ZC3H7B: variants seen among roughly 807,000 people sequenced by gnomAD.
ZC3H7B encodes the protein zinc finger CCCH-type containing 7B.
A neutral mutation model predicts 116.0 loss-of-function variants in ZC3H7B; 35 were observed. The observed-to-expected ratio is 0.30, with a 90% CI of 0.23 to 0.40. The LOEUF is 0.40. ZC3H7B is among the 10% of genes least tolerant of loss of function. ZC3H7B has a pLI of 1.00. For synonymous variants in ZC3H7B, 502 were observed against 545.6 expected (o/e 0.92, Z 1.11); for missense variants, 1,011 against 1,321.5 (o/e 0.77, Z 3.64).
chr22:41,320,847 G>C (rs984784671), intron 2 of ZC3H7B, 134 bp downstream of exon 2: 23 of 1,238,086 alleles, frequency 1.9e-5, no homozygotes, highest in Middle Eastern at 2.4e-4. Flanking sequence ...GCTGGGGTGC[G>C]GGCAGGTGGG....
chr22:41,318,959 C>T (rs547811924), intron 1 of ZC3H7B, among the ~76,000 whole-genome samples: 5 of 152,210 alleles, frequency 3.3e-5, no homozygotes, highest in East Asian at 1.9e-4. Context: ...ACATCATACA[C>T]GTAGATCTCC....
rs1343835497 is a variant in ZC3H7B at position 41,355,555 on chromosome 22, G to A, written c.2121G>A (p.Val707=). ...AGTGCTGGAGAAACGGGCAGGTGGT[G>A]GAGCCTGACAAGGACCTCAAGTACT... The part of the protein sequence containing the change: ...CGQCWRNGQV[V]EPDKDLKYCS... Residue 707 remains valine, a synonymous_variant, in exon 18 of 23, where the codon GTG becomes GTA. Transcript: ENST00000352645. 4.3e-6 allele frequency: 7 copies of A among 1,614,060 alleles called. No individual in the cohort carries two copies. Among genetic ancestry groups the A allele is most frequent in the African/African-American group, 1.3e-5 (1 of 74,926 alleles).
At position 41,341,081 on chromosome 22, in the gene ZC3H7B, T is replaced by C; in HGVS notation, c.1139-7T>C. On this transcript the variant is annotated splice_polypyrimidine_tract_variant and splice_region_variant and intron_variant, in intron 10 of 22. Transcript: ENST00000352645. ...GCCACTGACCCCTGTGTCTTCTCCC[T>C]GCCCAGAGGAGACCAACTCACAGGA... 1 of 1,610,766 alleles carries C rather than the reference T, an allele frequency of 6.2e-7. No homozygotes were observed. The highest frequency in any genetic ancestry group is 1.3e-5 in the African/African-American group (1 of 74,920).
chr22:41,316,728 G>A (rs113600457), intron 1 of ZC3H7B, among the ~76,000 whole-genome samples: 1 of 150,964 alleles, frequency 6.6e-6, no homozygotes. Flanking sequence ...AGGCTGTAGT[G>A]CAACGGCGCA....
Position 41,355,882 on chromosome 22 carries a change from G to A in ZC3H7B, c.2274+20G>A, listed in dbSNP as rs2036707951. ...TACGATGTGAGCGCTGGGATGGGGGGCTGGGGGTCCCCCAGGAGGCAGCGA... is the reference window on the plus strand; with the variant it reads ...TACGATGTGAGCGCTGGGATGGGGGACTGGGGGTCCCCCAGGAGGCAGCGA... On this transcript the variant is annotated intron_variant, in intron 19 of 22. Coordinates refer to ENST00000352645, the MANE Select transcript of ZC3H7B (RefSeq NM_017590.6). The A allele has an allele frequency of 6.2e-7, 1 of 1,612,538 alleles. No homozygotes were observed. The highest frequency in any genetic ancestry group is 8.5e-7 in the Non-Finnish European group (1 of 1,179,174).
At position 41,351,757 on chromosome 22, in the gene ZC3H7B, C is replaced by T. The variant is rs141383459; in HGVS notation, c.2034+111C>T. 3.5e-4 allele frequency: 342 copies of T among 990,864 alleles called. 3 individuals carry two copies. In the African/African-American group the frequency reaches 5.0e-3, roughly 14 times the overall value. 61.4% of individuals were successfully genotyped at this position (990,864 alleles called of 1,614,324 possible). A position where few individuals can be genotyped will look rare whatever the true frequency, so the allele number is the denominator to read the frequency against. ...AGAAATGTTTACAATGGAGGCACCTCGAATAAGTTATGAAAGTAACTTGGA... is the reference window on the plus strand; with the variant it reads ...AGAAATGTTTACAATGGAGGCACCTTGAATAAGTTATGAAAGTAACTTGGA... On this transcript the variant is annotated intron_variant, in intron 17 of 22. Transcript: ENST00000352645. The surrounding 1 kb of genome is among the most constrained non-coding windows in gnomAD (Gnocchi z 5.1).
At chr22:41,342,820 C>T (rs1205326833) in intron 12 of ZC3H7B, among the ~76,000 whole-genome samples, 192 bp downstream of exon 12, 1 of 152,174 alleles carries the variant, frequency 6.6e-6, no homozygotes, top group Admixed American at 6.5e-5. Flanking sequence ...CCTTCACAGT[C>T]CTTTCTAGAG....
At position 41,302,931 on chromosome 22, in the gene ZC3H7B, C is replaced by T. The variant is rs996397197; in HGVS notation, c.-7+1159C>T. ...TAGCTTTGGCATCAGACTTTGAACCCCAACTTCTTGCCATATTCCTCAGCA... is the reference window on the plus strand; with the variant it reads ...TAGCTTTGGCATCAGACTTTGAACCTCAACTTCTTGCCATATTCCTCAGCA... On this transcript the variant is annotated intron_variant, in intron 1 of 22. Transcript: ENST00000352645. This position sits in a 1 kb window ranked among gnomAD's most constrained non-coding sequence, Gnocchi z 5.7. Among the ~76,000 whole-genome samples, 1 of 152,164 alleles carries T rather than the reference C, an allele frequency of 6.6e-6. No homozygotes were observed. Among genetic ancestry groups the T allele is most frequent in the Non-Finnish European group, 1.5e-5 (1 of 68,020 alleles).
Position 41,357,029 on chromosome 22 carries a change from G to A in ZC3H7B, c.2682-148G>A. On this transcript the variant is annotated intron_variant, in intron 22 of 22. Transcript: ENST00000352645. This position sits in a 1 kb window ranked among gnomAD's most constrained non-coding sequence, Gnocchi z 5.4. ...CAGCTGTGGGGCAGATCCCAGAGAG[G>A]GTCAGGACACCCAGGTTTTCCCTGA... is the stretch of plus-strand genomic sequence containing the variant. 1 of 1,384,610 alleles carries A rather than the reference G, an allele frequency of 7.2e-7. No homozygotes were observed. Among genetic ancestry groups the A allele is most frequent in the South Asian group, 1.4e-5 (1 of 72,276 alleles). 85.8% of individuals were successfully genotyped at this position (1,384,610 alleles called of 1,614,324 possible).
At chr22:41,309,936 T>G (rs1234198609) in intron 1 of ZC3H7B, among the ~76,000 whole-genome samples, 1 of 152,032 alleles carries the variant, frequency 6.6e-6, no homozygotes, top group Admixed American at 6.6e-5. Context: ...CTGAGCACGG[T>G]GGCTCATGCC....
intron 1 of ZC3H7B, among the ~76,000 whole-genome samples, chr22:41,313,930 A>G (rs1265178165): frequency 6.9e-6 from 1 of 145,496 alleles, no homozygotes; most frequent in Non-Finnish European, 1.5e-5. Context: ...TTTTTTTCGT[A>G]TTTTTGTAGG....
chr22:41,328,485 C>T (rs2036343846), intron 5 of ZC3H7B, among the ~76,000 whole-genome samples: 1 of 152,212 alleles, frequency 6.6e-6, no homozygotes, highest in Non-Finnish European at 1.5e-5. Flanking sequence ...AGGAGGTAGA[C>T]ACGTGCACAG....
At chr22:41,322,085 C>T (rs1159089780) in intron 2 of ZC3H7B, among the ~76,000 whole-genome samples, 6 of 150,506 alleles carry the variant, frequency 4.0e-5, no homozygotes, top group African/African-American at 7.3e-5. Context: ...GTGATCCGCC[C>T]GCCTCGGCCT....
At chr22:41,324,345 C>G (rs539169321) in intron 2 of ZC3H7B, among the ~76,000 whole-genome samples, 2 of 152,322 alleles carry the variant, frequency 1.3e-5, no homozygotes, top group East Asian at 3.9e-4. Context: ...GGCGTTGCGC[C>G]TCTGCCCACC....
chr22:41,337,077 G>C (rs994671077), intron 7 of ZC3H7B, among the ~76,000 whole-genome samples: 1 of 149,386 alleles, frequency 6.7e-6, no homozygotes, highest in South Asian at 2.1e-4. Flanking sequence ...CAGAGGTTTC[G>C]GTAAGCCAAG....
At chr22:41,312,558 C>T (rs979726689) in intron 1 of ZC3H7B, among the ~76,000 whole-genome samples, 1 of 151,326 alleles carries the variant, frequency 6.6e-6, no homozygotes, top group Non-Finnish European at 1.5e-5. Context: ...CCACTGCACT[C>T]CAGCCTGGGT....
chr22:41,356,946 G>T (rs910283185), intron 22 of ZC3H7B, 138 bp downstream of exon 22: 3 of 1,385,524 alleles, frequency 2.2e-6, no homozygotes, highest in East Asian at 2.4e-5. Flanking sequence ...AGCCATGGGG[G>T]TGGTGGGGAA....
Position 41,357,022 on chromosome 22 carries a change from C to T in ZC3H7B, c.2682-155C>T, listed in dbSNP as rs1601800168. 1.3e-5 allele frequency among the ~76,000 whole-genome samples: 2 copies of T among 152,106 alleles called. No individual in the cohort carries two copies. The highest frequency in any genetic ancestry group is 3.9e-4 in the East Asian group (2 of 5,188). On this transcript the variant is annotated intron_variant, in intron 22 of 22. Transcript: ENST00000352645. This position sits in a 1 kb window ranked among gnomAD's most constrained non-coding sequence, Gnocchi z 5.4. Reference sequence around the variant, plus strand: ...TAATTTGCAGCTGTGGGGCAGATCCCAGAGAGGGTCAGGACACCCAGGTTT... The same window carrying T: ...TAATTTGCAGCTGTGGGGCAGATCCTAGAGAGGGTCAGGACACCCAGGTTT...
intron 1 of ZC3H7B, among the ~76,000 whole-genome samples, chr22:41,304,844 C>T (rs1054156659): frequency 6.6e-6 from 1 of 152,136 alleles, no homozygotes; most frequent in Non-Finnish European, 1.5e-5. Context: ...TGTGCCCAGC[C>T]CAAGGTCAAT....
Sources: allele counts gnomAD v4.1 joint callset (sites outside exome capture counted in the v4.1 genomes callset), GRCh38; gene constraint gnomAD v4.1.1; non-coding constraint Gnocchi (gnomAD v3.1); transcripts MANE v1.5; gene names NCBI Gene and HGNC (gene_info 2026-07-23, HGNC 2026-07-21).